The following RIT2 variants were observed in gnomAD, a reference collection of about 807,000 sequenced individuals.
RIT2 encodes the protein GTP-binding protein Rit2.
Under a neutral mutation model 23.7 loss-of-function variants are expected in RIT2, and 24 were observed. That is an observed-to-expected ratio of 1.01 (90% CI 0.73 to 1.43). RIT2 has a LOEUF of 1.43. Ranked by LOEUF, RIT2 falls within the 40% of genes most tolerant of loss-of-function variation. The probability of loss-of-function intolerance (pLI) is 0.00; values close to 1 mark genes in which losing one functional copy is unlikely to be tolerated. For missense variants in RIT2, 236 were observed against 266.9 expected, an observed-to-expected ratio of 0.88 and a Z score of 0.81; for synonymous variants, 107 against 91.1, an observed-to-expected ratio of 1.17 and a Z score of -0.99.
In RIT2 at chr18:42,835,406, C is replaced by A. The variant is rs188090944; in HGVS notation, c.426+88166G>T. On this transcript the variant is annotated intron_variant, in intron 4 of 4. Coordinates refer to ENST00000326695, the MANE Select transcript of RIT2 (RefSeq NM_002930.4). Reference sequence around the variant, plus strand: ...TTATTGTAAAAAATATTTCTGGAAACCTATGTTCTATATTGGCCTCACTCA... The same window carrying A: ...TTATTGTAAAAAATATTTCTGGAAAACTATGTTCTATATTGGCCTCACTCA... 5.9e-5 allele frequency among the ~76,000 whole-genome samples: 9 copies of A among 151,988 alleles called. No individual in the cohort carries two copies. The East Asian group carries it at 1.7e-3, about 29-fold the overall frequency.
chr18:42,799,942 T>A (rs1905478218), intron 4 of RIT2, among the ~76,000 whole-genome samples: 1 of 151,924 alleles, frequency 6.6e-6, no homozygotes, highest in Non-Finnish European at 1.5e-5. Context: ...TAATTTATTA[T>A]AATTGGAATT....
chr18:42,880,842 C>A (rs1178240187), intron 4 of RIT2, among the ~76,000 whole-genome samples: 1 of 134,352 alleles, frequency 7.4e-6, no homozygotes, highest in Non-Finnish European at 1.6e-5. Flanking sequence ...AATTTTGCTC[C>A]TGTTGCTCAG....
intron 2 of RIT2, among the ~76,000 whole-genome samples, chr18:43,028,476 G>A (rs1371770270): frequency 1.3e-5 from 2 of 152,156 alleles, no homozygotes; most frequent in African/African-American, 4.8e-5. Context: ...AGAAAATAAG[G>A]AGCCAGGATG....
intron 1 of RIT2, among the ~76,000 whole-genome samples, chr18:43,114,096 A>C (rs1914012997): frequency 6.6e-6 from 1 of 152,074 alleles, no homozygotes; most frequent in South Asian, 2.1e-4. Flanking sequence ...TTAGAGGAGA[A>C]AGCTTTTTAA....
intron 4 of RIT2, among the ~76,000 whole-genome samples, chr18:42,867,957 G>C (rs934962361): frequency 2.0e-5 from 3 of 152,158 alleles, no homozygotes; most frequent in Admixed American, 6.5e-5. Flanking sequence ...AATGTCACAG[G>C]CTATTCCACT....
At chr18:42,796,313 C>T (rs553668036) in intron 4 of RIT2, among the ~76,000 whole-genome samples, 1 of 152,036 alleles carries the variant, frequency 6.6e-6, no homozygotes, top group Non-Finnish European at 1.5e-5. Flanking sequence ...CCTGAGCCAG[C>T]GAGACCACGA....
intron 4 of RIT2, among the ~76,000 whole-genome samples, chr18:42,796,825 C>G (rs894055048): frequency 1.3e-5 from 2 of 152,170 alleles, no homozygotes; most frequent in South Asian, 2.1e-4. Flanking sequence ...ATTATAAATT[C>G]AGAATGGAAT....
At chr18:42,777,237 GAGA>G (rs977808199) in intron 4 of RIT2, among the ~76,000 whole-genome samples, 55 of 150,890 alleles carry the variant, frequency 3.6e-4, no homozygotes, top group African/African-American at 1.3e-3. Flanking sequence ...CCTTCCAATG[GAGA>G]AGAAGAAATG....
At chr18:43,067,043 A>G (rs1205006998) in intron 1 of RIT2, among the ~76,000 whole-genome samples, 1 of 151,966 alleles carries the variant, frequency 6.6e-6, no homozygotes, top group Non-Finnish European at 1.5e-5. Context: ...TAAGATAACT[A>G]TATGGAGAAG....
intron 4 of RIT2, among the ~76,000 whole-genome samples, chr18:42,746,614 C>T (rs1912922457): frequency 6.6e-6 from 1 of 151,784 alleles, no homozygotes; most frequent in South Asian, 2.1e-4. Flanking sequence ...AAAATAAAAT[C>T]CAAAAGTTTA....
chr18:42,903,993 A>G (rs1464848327), intron 4 of RIT2, among the ~76,000 whole-genome samples: 1 of 152,150 alleles, frequency 6.6e-6, no homozygotes, highest in African/African-American at 2.4e-5. Context: ...TTAGGAAAGG[A>G]TATTTGCCCT....
chr18:42,786,923 T>C (rs938932376), intron 4 of RIT2, among the ~76,000 whole-genome samples: 11 of 152,122 alleles, frequency 7.2e-5, no homozygotes, highest in African/African-American at 1.7e-4. Context: ...CAGACCATCA[T>C]AGAATTTCAG....
rs1386237332 is a variant in RIT2, at chr18:42,743,495, A to G, written c.652T>C (p.Ter218ArgextTer5). The stretch of plus-strand genomic sequence containing the variant: ...TGAGGAACTCAAAAGCAAAGATATC[A>G]TGTCATATTTTCTCTCTTCTTCTTC... ...SLKKKRENMT[*>R] The change falls in exon 5 of 5, where the codon TGA becomes CGA. Residue 218 changes from the stop codon to arginine, a stop_lost. Transcript: ENST00000326695. 8 of 1,606,064 alleles carry G rather than the reference A, an allele frequency of 5.0e-6. No homozygotes were observed. The highest frequency in any genetic ancestry group is 1.7e-5 in the Admixed American group (1 of 59,920).
At chr18:42,961,191 C>A (rs1910086308) in intron 3 of RIT2, among the ~76,000 whole-genome samples, 1 of 152,094 alleles carries the variant, frequency 6.6e-6, no homozygotes, top group Admixed American at 6.5e-5. Flanking sequence ...TGATATGTAT[C>A]CTAATCTTCT....
chr18:42,920,798 T>G, intron 4 of RIT2: 2 of 1,381,914 alleles, frequency 1.4e-6, no homozygotes, highest in Non-Finnish European at 2.0e-6. Context: ...AGAATCCTAC[T>G]CCTTTGCCTC....
chr18:42,916,722 C>T (rs1033182549), intron 4 of RIT2, among the ~76,000 whole-genome samples: 2 of 152,082 alleles, frequency 1.3e-5, no homozygotes, highest in African/African-American at 4.8e-5. Flanking sequence ...GTGACATACA[C>T]TGTGCTAGAT....
chr18:43,081,504 C>A (rs1913157064), intron 1 of RIT2, among the ~76,000 whole-genome samples: 1 of 152,090 alleles, frequency 6.6e-6, no homozygotes, highest in African/African-American at 2.4e-5. Context: ...CATTGTCATG[C>A]TGCTGCTAAG....
intron 4 of RIT2, among the ~76,000 whole-genome samples, chr18:42,750,143 A>G (rs112108358): frequency 2.6e-5 from 4 of 152,000 alleles, no homozygotes; most frequent in African/African-American, 9.6e-5. Flanking sequence ...TAATTTTAGT[A>G]TAGTTTTCTA....
chr18:43,075,479 G>A (rs1912992555), intron 1 of RIT2, among the ~76,000 whole-genome samples: 1 of 152,132 alleles, frequency 6.6e-6, no homozygotes, highest in African/African-American at 2.4e-5. Flanking sequence ...GAAACTGTGA[G>A]AGGCTTCGAT....
Sources: allele counts gnomAD v4.1 joint callset (sites outside exome capture counted in the v4.1 genomes callset), GRCh38; gene constraint gnomAD v4.1.1; transcripts MANE v1.5; gene names NCBI Gene and HGNC (gene_info 2026-07-23, HGNC 2026-07-21).